The following STIMATE variants were observed in gnomAD, a reference collection of about 807,000 sequenced individuals.
The protein encoded by STIMATE is STIM activating enhancer.
A neutral mutation model predicts 36.7 loss-of-function variants in STIMATE; 15 were observed. That is an observed-to-expected ratio of 0.41 (90% CI 0.27 to 0.63). The LOEUF (loss-of-function observed/expected upper bound fraction) is 0.63, where lower values mean the gene tolerates loss of function less well. Among genes scored for constraint, STIMATE ranks in the 20% least tolerant of loss-of-function variants. The pLI, the probability that STIMATE is intolerant of heterozygous loss-of-function variation, is 0.32. For missense variants in STIMATE, 305 were observed against 397.3 expected, an observed-to-expected ratio of 0.77 and a Z score of 1.98; for synonymous variants, 163 against 162.3, an observed-to-expected ratio of 1.00 and a Z score of -0.03.
chr3:52,870,833 A>G (rs1701390376), intron 1 of STIMATE, among the ~76,000 whole-genome samples: 1 of 152,114 alleles, frequency 6.6e-6, no homozygotes, highest in Non-Finnish European at 1.5e-5. Context: ...AGACCACCTC[A>G]GCAGAGTGCT....
rs557465805 is a variant in STIMATE at position 52,889,226 on chromosome 3, C to T, written c.160+8065G>A. 9.9e-5 allele frequency among the ~76,000 whole-genome samples: 15 copies of T among 152,278 alleles called. 1 individual carries two copies. The South Asian group carries it at 3.1e-3, about 32-fold the overall frequency. ...GTAGGTACAGAATTTTTAGAATGTACCAACAACTGAACTTCTGTCAGAGAT... is the reference window on the plus strand; with the variant it reads ...GTAGGTACAGAATTTTTAGAATGTATCAACAACTGAACTTCTGTCAGAGAT... On this transcript the variant is annotated intron_variant, in intron 1 of 7. Coordinates refer to ENST00000355083, the MANE Select transcript of STIMATE (RefSeq NM_198563.5).
At chr3:52,888,673 A>T (rs1202696686) in intron 1 of STIMATE, among the ~76,000 whole-genome samples, 1 of 152,220 alleles carries the variant, frequency 6.6e-6, no homozygotes, top group Non-Finnish European at 1.5e-5. Context: ...AACACAGATG[A>T]GCTGAAGAGG....
In STIMATE at chr3:52,840,543, G is replaced by A. The variant is rs757758293; in HGVS notation, c.836C>T (p.Pro279Leu). 1.9e-6 allele frequency: 3 copies of A among 1,614,060 alleles called. No individual in the cohort carries two copies. In the South Asian group the frequency reaches 3.3e-5, roughly 18 times the overall value. Reference protein sequence around the residue: ...DVEEDLRRLTPLKPVKKKKHR... With the variant: ...DVEEDLRRLTLLKPVKKKKHR... ...CTTCTTTTTCTTCACAGGCTTGAGG[G>A]GGGTCAGTCTGCGGAGGTCCTCCTC... The change falls in exon 8 of 8, where the codon CCC becomes CTC. Residue 279 changes from proline to leucine, a missense_variant. Around this residue, in one of 3 missense-constraint regions of STIMATE, gnomAD observed 84 missense variants for 82.4 expected, o/e 1.02. Coordinates refer to ENST00000355083, the MANE Select transcript of STIMATE (RefSeq NM_198563.5).
At position 52,876,898 on chromosome 3, in the gene STIMATE, G is replaced by A. The variant is rs147450811; in HGVS notation, c.160+20393C>T. ...TGTTGACTGCTCTAACCCCCACGCTGTTCAAGGATCAACTGTGGGTGGAAA... is the reference window on the plus strand; with the variant it reads ...TGTTGACTGCTCTAACCCCCACGCTATTCAAGGATCAACTGTGGGTGGAAA... On this transcript the variant is annotated intron_variant, in intron 1 of 7. Transcript: ENST00000355083. Among the ~76,000 whole-genome samples, 834 of 152,264 alleles carry A rather than the reference G, an allele frequency of 5.5e-3. 9 individuals carry two copies. The highest frequency in any genetic ancestry group is 0.019 in the African/African-American group (781 of 41,554).
At chr3:52,879,976 T>G (rs1701575022) in intron 1 of STIMATE, among the ~76,000 whole-genome samples, 1 of 152,060 alleles carries the variant, frequency 6.6e-6, no homozygotes. Flanking sequence ...GTTTCTGGGG[T>G]TGTATCACAA....
intron 1 of STIMATE, among the ~76,000 whole-genome samples, chr3:52,883,382 ATC>A (rs1184133746): frequency 6.6e-6 from 1 of 152,066 alleles, no homozygotes; most frequent in Non-Finnish European, 1.5e-5. Context: ...TCTTTTTATC[ATC>A]TGTTTTGCAA....
At chr3:52,840,833 G>A (rs1700785488) in intron 7 of STIMATE, among the ~76,000 whole-genome samples, 1 of 151,854 alleles carries the variant, frequency 6.6e-6, no homozygotes, top group Non-Finnish European at 1.5e-5. Flanking sequence ...CTGAGTAGCT[G>A]ATTACAGGTG....
At chr3:52,855,718 G>A (rs1004350877) in intron 1 of STIMATE, among the ~76,000 whole-genome samples, 1 of 152,212 alleles carries the variant, frequency 6.6e-6, no homozygotes, top group African/African-American at 2.4e-5. Context: ...GACACACAAG[G>A]CTCACTCAGA....
chr3:52,845,750 G>A (rs1700884100), intron 4 of STIMATE, among the ~76,000 whole-genome samples: 1 of 152,116 alleles, frequency 6.6e-6, no homozygotes, highest in South Asian at 2.1e-4. Flanking sequence ...GCCCCTCCAG[G>A]GAATGATCCT....
Position 52,838,744 on chromosome 3 carries a change from G to T in STIMATE, c.*1750C>A, listed in dbSNP as rs1469821092. On this transcript the variant is annotated 3_prime_UTR_variant, in exon 8 of 8. Transcript: ENST00000355083. ...ATGCTCGCCTTCAAGTCCAGGACAG[G>T]TAGGGCTCTGAGAGGCAGAGGGCAG... is the stretch of plus-strand genomic sequence containing the variant. 1 of 152,300 alleles carries T rather than the reference G, an allele frequency of 6.6e-6. No individual in the cohort carries two copies. The highest frequency in any genetic ancestry group is 2.4e-5 in the African/African-American group (1 of 41,468). The allele number at this position is 152,300 out of a possible 1,614,324, so 9.4% of individuals were successfully genotyped here.
chr3:52,841,999 T>C (rs1700805267), intron 7 of STIMATE, among the ~76,000 whole-genome samples: 1 of 152,220 alleles, frequency 6.6e-6, no homozygotes. Context: ...CTATTCGTCT[T>C]CTGAAACTCC....
chr3:52,897,086 G>A (rs1359391356), intron 1 of STIMATE, among the ~76,000 whole-genome samples: 3 of 152,190 alleles, frequency 2.0e-5, no homozygotes, highest in African/African-American at 7.2e-5. Flanking sequence ...GGTGGAAAGG[G>A]GAAGGGTCAC....
At chr3:52,849,662 A>G in intron 4 of STIMATE, 130 bp downstream of exon 4, 2 of 1,449,212 alleles carry the variant, frequency 1.4e-6, no homozygotes, top group Non-Finnish European at 9.1e-7. Flanking sequence ...AGCCCCCTCT[A>G]CCACACAGAG....
intron 1 of STIMATE, among the ~76,000 whole-genome samples, chr3:52,872,010 GA>G (rs1236606512): frequency 6.6e-6 from 1 of 152,020 alleles, no homozygotes; most frequent in Admixed American, 6.6e-5. Context: ...CTTCCGTCTG[GA>G]ACACTCTTCT....
intron 1 of STIMATE, among the ~76,000 whole-genome samples, chr3:52,880,043 C>G (rs1441303805): frequency 6.6e-6 from 1 of 152,220 alleles, no homozygotes; most frequent in Non-Finnish European, 1.5e-5. Flanking sequence ...TAAATCAACC[C>G]CAGAGAATCA....
rs1277186363 is a variant in STIMATE, at chr3:52,855,580, C to T, written c.161-136G>A. On this transcript the variant is annotated intron_variant, in intron 1 of 7. Transcript: ENST00000355083. ...CACACACTCTTTTAACATGTAACAA[C>T]ATACAGTAAGCCCTGCGAAGGTCAC... 7 of 1,273,130 alleles carry T rather than the reference C, an allele frequency of 5.5e-6. No individual in the cohort carries two copies. The Admixed American group carries it at 1.2e-4, about 22-fold the overall frequency. 78.9% of individuals were successfully genotyped at this position (1,273,130 alleles called of 1,614,324 possible). A position where few individuals can be genotyped will look rare whatever the true frequency, so the allele number is the denominator to read the frequency against.
chr3:52,854,143 T>G lies in STIMATE; in HGVS notation c.209+1253A>C, dbSNP rs558423115. Among the ~76,000 whole-genome samples, 213 of 152,324 alleles carry G rather than the reference T, an allele frequency of 1.4e-3. 1 individual carries two copies. The highest frequency in any genetic ancestry group is 1.7e-3 in the Non-Finnish European group (119 of 68,022). ...CAGAGCTCCTAAAACACTTGTAATCTCCTGAGTAACACAGGTGCTAAGAGG... is the reference window on the plus strand; with the variant it reads ...CAGAGCTCCTAAAACACTTGTAATCGCCTGAGTAACACAGGTGCTAAGAGG... On this transcript the variant is annotated intron_variant, in intron 2 of 7. Transcript: ENST00000355083.
chr3:52,886,223 C>T (rs992523405), intron 1 of STIMATE, among the ~76,000 whole-genome samples: 1 of 152,194 alleles, frequency 6.6e-6, no homozygotes, highest in African/African-American at 2.4e-5. Flanking sequence ...CCTCCACATG[C>T]AGAGGACAGG....
At chr3:52,884,293 T>A (rs1339356028) in intron 1 of STIMATE, among the ~76,000 whole-genome samples, 2 of 151,116 alleles carry the variant, frequency 1.3e-5, no homozygotes, top group Non-Finnish European at 1.5e-5. Flanking sequence ...TCGCCCATGC[T>A]GGAGGGCAGT....
Sources: allele counts gnomAD v4.1 joint callset (sites outside exome capture counted in the v4.1 genomes callset), GRCh38; gene constraint gnomAD v4.1.1; regional missense constraint gnomAD v4.1.1; transcripts MANE v1.5; gene names NCBI Gene and HGNC (gene_info 2026-07-23, HGNC 2026-07-21).